EZH2: variants seen among roughly 807,000 people sequenced by gnomAD.
EZH2 encodes enhancer of zeste 2 polycomb repressive complex 2 subunit, also known as histone-lysine N-methyltransferase EZH2.
In EZH2, 18 loss-of-function variants were observed where a neutral mutation model predicts 98.4. The observed-to-expected ratio is 0.18, with a 90% CI of 0.13 to 0.27. The LOEUF is 0.27. EZH2 is among the 10% of genes least tolerant of loss of function. EZH2 has a pLI of 1.00. For missense variants in EZH2, 470 were observed against 935.1 expected (o/e 0.50, Z 6.49); for synonymous variants, 338 against 312.3 (o/e 1.08, Z -0.87).
chr7:148,811,811 C>CACT, intron 15 of EZH2, 91 bp from the exon 16 acceptor site: 1 of 1,085,530 alleles, frequency 9.2e-7, no homozygotes, highest in Non-Finnish European at 1.4e-6. Context: ...CAAAAGCTAT[C>CACT]ACTGTAAATC....
At chr7:148,858,102 C>T (rs1484950819) in intron 1 of EZH2, among the ~76,000 whole-genome samples, 1 of 151,852 alleles carries the variant, frequency 6.6e-6, no homozygotes, top group African/African-American at 2.4e-5. Flanking sequence ...ACCATTCTTG[C>T]TAACAAGGTG....
In EZH2 at chr7:148,837,907, T is replaced by C. The variant is rs556826174; in HGVS notation, c.247-5157A>G. Reference sequence around the variant, plus strand: ...GTATTTGTTACAGACCAATTCCACATTGGGTGAAGAACCTCTACCCTACAA... The same window carrying C: ...GTATTTGTTACAGACCAATTCCACACTGGGTGAAGAACCTCTACCCTACAA... On this transcript the variant is annotated intron_variant, in intron 3 of 19. Coordinates refer to ENST00000320356, the MANE Select transcript of EZH2 (RefSeq NM_004456.5). Among the ~76,000 whole-genome samples the C allele has an allele frequency of 6.6e-5, 10 of 152,340 alleles. No homozygotes were observed. In the East Asian group the frequency reaches 9.6e-4, roughly 15 times the overall value.
At chr7:148,830,601 A>G (rs1310334298) in intron 4 of EZH2, among the ~76,000 whole-genome samples, 1 of 152,244 alleles carries the variant, frequency 6.6e-6, no homozygotes, top group African/African-American at 2.4e-5. Context: ...TATATGTAAA[A>G]TAAGAACATT....
chr7:148,849,882 C>T (rs560471986), intron 1 of EZH2, among the ~76,000 whole-genome samples: 21 of 152,168 alleles, frequency 1.4e-4, no homozygotes, highest in Non-Finnish European at 2.8e-4. Flanking sequence ...GATCTGTAGC[C>T]TCATTCGCTC....
chr7:148,833,818 G>C (rs1403417163), intron 3 of EZH2, among the ~76,000 whole-genome samples: 1 of 152,152 alleles, frequency 6.6e-6, no homozygotes, highest in Non-Finnish European at 1.5e-5. Context: ...AGGATAAGTA[G>C]CTTGCCCAAA....
chr7:148,857,834 A>G (rs1373251929), intron 1 of EZH2, among the ~76,000 whole-genome samples: 2 of 152,112 alleles, frequency 1.3e-5, no homozygotes, highest in Non-Finnish European at 2.9e-5. Context: ...AGGTTACATA[A>G]CAACCCAATG....
intron 3 of EZH2, among the ~76,000 whole-genome samples, chr7:148,841,343 A>G (rs566620029): frequency 6.6e-6 from 1 of 152,162 alleles, no homozygotes; most frequent in Non-Finnish European, 1.5e-5. Context: ...TTTACAAGTT[A>G]TACAGGTGGG....
At chr7:148,862,416 T>C (rs541116008) in intron 1 of EZH2, among the ~76,000 whole-genome samples, 5 of 152,332 alleles carry the variant, frequency 3.3e-5, no homozygotes, top group Non-Finnish European at 5.9e-5. Flanking sequence ...ATGCTCACAG[T>C]AACAGACAAA....
intron 8 of EZH2, 23 bp downstream of exon 8, chr7:148,826,427 CAACA>C (rs1563235634): frequency 6.6e-7 from 1 of 1,513,036 alleles, no homozygotes; most frequent in East Asian, 2.3e-5. Context: ...CATAATTCCA[CAACA>C]AAGATAGAAA....
chr7:148,823,924 C>T (rs1806911889), intron 8 of EZH2, among the ~76,000 whole-genome samples: 1 of 152,192 alleles, frequency 6.6e-6, no homozygotes, highest in African/African-American at 2.4e-5. Flanking sequence ...ATCTTCCCCA[C>T]ATTAATTCAT....
At chr7:148,846,848 G>C (rs1438087008) in intron 2 of EZH2, among the ~76,000 whole-genome samples, 2,632 of 81,734 alleles carry the variant, frequency 0.032, 100 homozygotes, top group African/African-American at 0.16. Context: ...CTGTGTGTGT[G>C]TGTGTGTGTG....
chr7:148,841,585 A>T (rs1812457262), intron 3 of EZH2, among the ~76,000 whole-genome samples: 1 of 152,230 alleles, frequency 6.6e-6, no homozygotes, highest in African/African-American at 2.4e-5. Flanking sequence ...AAGGTTCATG[A>T]GAATCTAAAC....
chr7:148,871,243 A>T (rs1004356063), intron 1 of EZH2, among the ~76,000 whole-genome samples: 2 of 152,148 alleles, frequency 1.3e-5, no homozygotes, highest in Admixed American at 1.3e-4. Flanking sequence ...CACTGTGGGT[A>T]GGACTGTAAA....
intron 10 of EZH2, 34 bp downstream of exon 10, chr7:148,817,842 AG>A: frequency 6.2e-7 from 1 of 1,614,020 alleles, no homozygotes; most frequent in Non-Finnish European, 8.5e-7. Context: ...GAACTTTCAC[AG>A]AACAGTAAAA....
intron 10 of EZH2, 162 bp downstream of exon 10, chr7:148,817,715 G>T: frequency 9.9e-7 from 1 of 1,010,020 alleles, no homozygotes; most frequent in Non-Finnish European, 1.5e-6. Context: ...TACGGGTGCA[G>T]GCAGGAAACA....
At chr7:148,876,740 T>A (rs1391922703) in intron 1 of EZH2, among the ~76,000 whole-genome samples, 1 of 152,194 alleles carries the variant, frequency 6.6e-6, no homozygotes, top group Non-Finnish European at 1.5e-5. Context: ...GCAGCAAACT[T>A]TCTCTGTAAA....
At position 148,818,062 on chromosome 7, in the gene EZH2, G is replaced by A. The variant is rs200964386; in HGVS notation, c.1055C>T (p.Pro352Leu). 1.9e-6 allele frequency: 3 copies of A among 1,613,810 alleles called. No individual in the cohort carries two copies. Among genetic ancestry groups the A allele is most frequent in the Admixed American group, 3.3e-5 (2 of 59,984 alleles). The change falls in exon 10 of 20, where the codon CCA becomes CTA. Residue 352 changes from proline to leucine, a missense_variant. Physicochemically the swap from Pro to Leu is moderately conservative, Grantham distance 98. Coordinates refer to ENST00000320356, the MANE Select transcript of EZH2 (RefSeq NM_004456.5). ...TCTTCTGCGGCCTCCTGGACGTTTT[G>A]GTGGGGTCTTTATCCGCTCAGCGGT... ...ALTAERIKTP[P>L]KRPGGRRRGR...
chr7:148,816,612 G>A, intron 12 of EZH2, 72 bp downstream of exon 12: 1 of 1,107,012 alleles, frequency 9.0e-7, no homozygotes. Context: ...ACCAACAACA[G>A]CCCTTAGGAA....
chr7:148,879,333 T>C (rs530705884), intron 1 of EZH2, among the ~76,000 whole-genome samples: 75 of 152,014 alleles, frequency 4.9e-4, no homozygotes, highest in Non-Finnish European at 3.7e-4. Flanking sequence ...GGTCAATCAC[T>C]TGAGGTCAGG....
Sources: gnomAD v4.1 joint callset for allele counts (sites outside exome capture counted in the v4.1 genomes callset) on GRCh38, gnomAD v4.1.1 for gene constraint, MANE v1.5 for transcripts, NCBI Gene and HGNC (gene_info 2026-07-23, HGNC 2026-07-21) for gene names.